MARCHF1: variants seen among roughly 807,000 people sequenced by gnomAD.
MARCHF1 encodes the protein E3 ubiquitin-protein ligase MARCHF1.
A neutral mutation model predicts 54.2 loss-of-function variants in MARCHF1; 40 were observed. The observed-to-expected ratio is 0.74, with a 90% CI of 0.57 to 0.96. MARCHF1 has a LOEUF of 0.96. Among genes scored for constraint, MARCHF1 ranks in the 40% least tolerant of loss-of-function variants. The pLI is 0.00. For synonymous variants in MARCHF1, 236 were observed against 236.3 expected (o/e 1.00, Z 0.01); for missense variants, 586 against 656.5 (o/e 0.89, Z 1.17).
At chr4:163,697,998 C>A (rs1744688314) in intron 5 of MARCHF1, among the ~76,000 whole-genome samples, 1 of 152,076 alleles carries the variant, frequency 6.6e-6, no homozygotes, top group Admixed American at 6.6e-5. Flanking sequence ...ATATTAAGAA[C>A]CCCATAATAA....
intron 1 of MARCHF1, among the ~76,000 whole-genome samples, chr4:164,254,563 A>C (rs916113031): frequency 1.3e-5 from 2 of 151,894 alleles, no homozygotes; most frequent in African/African-American, 4.8e-5. Context: ...TATTAACTTA[A>C]TATATATCTA....
At chr4:163,858,764 C>T (rs1003289262) in intron 3 of MARCHF1, among the ~76,000 whole-genome samples, 40 of 152,192 alleles carry the variant, frequency 2.6e-4, no homozygotes, top group African/African-American at 9.7e-4. Flanking sequence ...CTCACATTTG[C>T]TGCTGCTGTG....
At chr4:164,263,140 GT>G (rs1733515294) in intron 1 of MARCHF1, among the ~76,000 whole-genome samples, 1 of 126,372 alleles carries the variant, frequency 7.9e-6, no homozygotes, top group Non-Finnish European at 1.7e-5. Flanking sequence ...GTACGCGTGC[GT>G]GTGTGTGTGT....
intron 5 of MARCHF1, among the ~76,000 whole-genome samples, chr4:163,651,573 T>A (rs891446208): frequency 1.8e-4 from 27 of 151,480 alleles, no homozygotes; most frequent in Admixed American, 9.2e-4. Context: ...ATTCTTTTTT[T>A]AAAAGTGGTT....
intron 3 of MARCHF1, among the ~76,000 whole-genome samples, chr4:163,947,583 C>G (rs1752049705): frequency 6.6e-6 from 1 of 152,308 alleles, no homozygotes; most frequent in Non-Finnish European, 1.5e-5. Context: ...AAGAAATGAA[C>G]ACAGCCTCTA....
rs138346988 is a variant in MARCHF1 at position 164,201,966 on chromosome 4, A to C, written c.-322-90304T>G. Among the ~76,000 whole-genome samples the C allele has an allele frequency of 3.2e-3, 488 of 152,358 alleles. 1 individual carries two copies. Among genetic ancestry groups the C allele is most frequent in the African/African-American group, 0.011 (463 of 41,588 alleles). ...AATAGATACTTTATGTTTCTACTCA[A>C]TTAAACAAATATTTATTGAGCATTC... On this transcript the variant is annotated intron_variant, in intron 1 of 9. Coordinates refer to ENST00000514618, the MANE Select transcript of MARCHF1 (RefSeq NM_001394959.1).
rs547056722 is a variant in MARCHF1, at chr4:163,944,274, G to A, written c.-39+44227C>T. 4.6e-5 allele frequency among the ~76,000 whole-genome samples: 7 copies of A among 151,978 alleles called. No homozygotes were observed. The South Asian group carries it at 8.3e-4, about 18-fold the overall frequency. On this transcript the variant is annotated intron_variant, in intron 3 of 9. Transcript: ENST00000514618. ...TGGGATTACAGGCGTGAGCCACCGCGCCTGGCCAGAAATATGCCATCTTTT... is the reference window on the plus strand; with the variant it reads ...TGGGATTACAGGCGTGAGCCACCGCACCTGGCCAGAAATATGCCATCTTTT...
At chr4:163,757,243 T>G (rs1746703616) in intron 4 of MARCHF1, among the ~76,000 whole-genome samples, 1 of 152,210 alleles carries the variant, frequency 6.6e-6, no homozygotes, top group Non-Finnish European at 1.5e-5. Flanking sequence ...GTTTCCATGG[T>G]TGCTTCTCCC....
At chr4:163,557,297 A>C (rs964000810) in intron 8 of MARCHF1, among the ~76,000 whole-genome samples, 12 of 152,212 alleles carry the variant, frequency 7.9e-5, no homozygotes, top group African/African-American at 2.7e-4. Flanking sequence ...TTTACATGGC[A>C]ATATTCAACT....
In MARCHF1 at chr4:164,197,217, G is replaced by A. The variant is rs116318697; in HGVS notation, c.-322-85555C>T. The A allele has an allele frequency of 8.5e-4, 1,371 of 1,609,880 alleles. 6 individuals carry two copies. In the African/African-American group the frequency reaches 9.3e-3, roughly 11 times the overall value. On this transcript the variant is annotated intron_variant, in intron 1 of 9. Coordinates refer to ENST00000514618, the MANE Select transcript of MARCHF1 (RefSeq NM_001394959.1). ...CCTCCTCATGCTCACCCTCCTCCTC[G>A]TCATCCAGGCCCTCCACGTGGTCCT... is the stretch of plus-strand genomic sequence containing the variant.
chr4:164,276,537 G>A (rs1447461484), intron 1 of MARCHF1, among the ~76,000 whole-genome samples: 2 of 150,860 alleles, frequency 1.3e-5, no homozygotes, highest in African/African-American at 4.8e-5. Flanking sequence ...ATACGTGTGT[G>A]TGTATATATA....
At chr4:163,653,135 C>G (rs573606815) in intron 5 of MARCHF1, among the ~76,000 whole-genome samples, 9 of 151,878 alleles carry the variant, frequency 5.9e-5, no homozygotes, top group East Asian at 3.9e-4. Context: ...TCTAAAGAGG[C>G]AACTGAAGTC....
At chr4:164,019,256 G>A (rs909055731) in intron 2 of MARCHF1, among the ~76,000 whole-genome samples, 1 of 152,100 alleles carries the variant, frequency 6.6e-6, no homozygotes, top group African/African-American at 2.4e-5. Context: ...GTCTCTCCAG[G>A]TGCACTGTAT....
At chr4:163,540,338 A>G (rs1273603851) in intron 9 of MARCHF1, among the ~76,000 whole-genome samples, 1 of 152,138 alleles carries the variant, frequency 6.6e-6, no homozygotes, top group Non-Finnish European at 1.5e-5. Flanking sequence ...CTGGGTGCTT[A>G]GGGTATGCAG....
chr4:164,142,865 A>G (rs1756586001), intron 1 of MARCHF1, among the ~76,000 whole-genome samples: 1 of 152,110 alleles, frequency 6.6e-6, no homozygotes. Context: ...CAGACGATCA[A>G]ATTACTCTGA....
chr4:164,277,354 C>T (rs534644373), intron 1 of MARCHF1, among the ~76,000 whole-genome samples: 57 of 152,114 alleles, frequency 3.7e-4, no homozygotes, highest in Non-Finnish European at 7.6e-4. Context: ...TGTTTAAAGC[C>T]CTTCATTGGC....
At chr4:163,888,364 G>A (rs1287781125) in intron 3 of MARCHF1, among the ~76,000 whole-genome samples, 2 of 152,078 alleles carry the variant, frequency 1.3e-5, no homozygotes. Context: ...AAAATATAAA[G>A]CAAATCTCAA....
chr4:164,372,245 A>T (rs1190144844), intron 1 of MARCHF1, among the ~76,000 whole-genome samples: 2 of 152,210 alleles, frequency 1.3e-5, no homozygotes, highest in African/African-American at 4.8e-5. Context: ...TGCCATAAAT[A>T]CATGTCTCTT....
chr4:164,270,609 C>A (rs1733722666), intron 1 of MARCHF1, among the ~76,000 whole-genome samples: 1 of 152,122 alleles, frequency 6.6e-6, no homozygotes, highest in Admixed American at 6.5e-5. Flanking sequence ...ATAGTTAGAG[C>A]AATCTACAAA....
Sources: allele counts gnomAD v4.1 joint callset (sites outside exome capture counted in the v4.1 genomes callset), GRCh38; gene constraint gnomAD v4.1.1; transcripts MANE v1.5; gene names NCBI Gene and HGNC (gene_info 2026-07-23, HGNC 2026-07-21).